Variants in L3MBTL3 observed in about 807,000 individuals in gnomAD.
L3MBTL3 encodes the protein L3MBTL histone methyl-lysine binding protein 3.
L3MBTL3 carries 27 observed loss-of-function variants against 102.3 expected under a neutral mutation model. That is an observed-to-expected ratio of 0.26 (90% CI 0.19 to 0.36). The LOEUF (loss-of-function observed/expected upper bound fraction) is 0.36, where lower values mean the gene tolerates loss of function less well. Ranked by LOEUF, L3MBTL3 falls within the 10% of genes least tolerant of loss-of-function variation. L3MBTL3 has a pLI of 1.00. For synonymous variants in L3MBTL3, 340 were observed against 320.9 expected, an observed-to-expected ratio of 1.06 and a Z score of -0.64; for missense variants, 798 against 955.3, an observed-to-expected ratio of 0.84 and a Z score of 2.17.
intron 2 of L3MBTL3, among the ~76,000 whole-genome samples, chr6:130,026,082 C>T (rs1246278664): frequency 1.3e-5 from 2 of 151,778 alleles, no homozygotes; most frequent in Admixed American, 6.6e-5. Context: ...TGATAGGACC[C>T]GGCAGATGGG....
intron 8 of L3MBTL3, 110 bp downstream of exon 8, chr6:130,055,365 T>A: frequency 1.3e-6 from 1 of 748,312 alleles, no homozygotes; most frequent in Non-Finnish European, 2.2e-6. Context: ...GGATTTTCTT[T>A]GATTCAGTTT....
chr6:130,092,229 G>A (rs1377063456), intron 16 of L3MBTL3, among the ~76,000 whole-genome samples: 2 of 152,078 alleles, frequency 1.3e-5, no homozygotes, highest in Non-Finnish European at 2.9e-5. Flanking sequence ...ACTGGGTGGA[G>A]GGATATTTCG....
intron 18 of L3MBTL3, among the ~76,000 whole-genome samples, chr6:130,094,969 G>T (rs573967739): frequency 6.6e-6 from 1 of 152,162 alleles, no homozygotes; most frequent in Non-Finnish European, 1.5e-5. Flanking sequence ...CTACTTGGGA[G>T]GCTAAGGTGG....
intron 18 of L3MBTL3, among the ~76,000 whole-genome samples, chr6:130,099,783 A>T (rs1197069611): frequency 6.6e-6 from 1 of 152,224 alleles, no homozygotes; most frequent in East Asian, 1.9e-4. Flanking sequence ...GCCAATACTT[A>T]ACTTCTTTGT....
Position 130,139,900 on chromosome 6 carries a change from A to G in L3MBTL3, c.*147A>G. On this transcript the variant is annotated 3_prime_UTR_variant, in exon 23 of 23. Coordinates refer to ENST00000361794, the MANE Select transcript of L3MBTL3 (RefSeq NM_032438.4). ...GATTATTTATATTACTCAAGAGACA[A>G]TATATATGAATTCTTATGAAAGTGC... 1 of 696,258 alleles carries G rather than the reference A, an allele frequency of 1.4e-6. No homozygotes were observed. Among genetic ancestry groups the G allele is most frequent in the Non-Finnish European group, 2.4e-6 (1 of 419,892 alleles). 43.1% of individuals were successfully genotyped at this position (696,258 alleles called of 1,614,324 possible). A position where few individuals can be genotyped will look rare whatever the true frequency, so the allele number is the denominator to read the frequency against.
chr6:130,042,151 A>T (rs1188652938), intron 2 of L3MBTL3, among the ~76,000 whole-genome samples: 3 of 152,170 alleles, frequency 2.0e-5, no homozygotes, highest in Non-Finnish European at 4.4e-5. Context: ...TTGTTTTCCA[A>T]TTTTTTTAAA....
At chr6:130,090,988 T>C (rs1267234058) in intron 16 of L3MBTL3, among the ~76,000 whole-genome samples, 1 of 152,146 alleles carries the variant, frequency 6.6e-6, no homozygotes, top group Non-Finnish European at 1.5e-5. Flanking sequence ...GGGTTTCATC[T>C]TTTTGTGCTG....
intron 20 of L3MBTL3, among the ~76,000 whole-genome samples, chr6:130,128,465 G>A (rs899584209): frequency 6.6e-6 from 1 of 152,078 alleles, no homozygotes; most frequent in Non-Finnish European, 1.5e-5. Context: ...ACATATTGGG[G>A]GAGTGGTGGT....
rs374985069 is a variant in L3MBTL3, at chr6:130,057,456, G to A, written c.718G>A (p.Glu240Lys). ...KAWCWASYLE[E>K]EKAVAVPAKL... ...GTGGTGCTGGGCATCCTACCTGGAA[G>A]AGGAGAAAGCGGTGGCAGTGCCGGC... The change falls in exon 9 of 23, where the codon GAG (glutamate) becomes AAG (lysine). Residue 240 changes from glutamate to lysine, a missense_variant. Transcript: ENST00000361794. 1.2e-6 allele frequency: 2 copies of A among 1,611,280 alleles called. No homozygotes were observed. The highest frequency in any genetic ancestry group is 1.7e-5 in the Admixed American group (1 of 59,744).
intron 19 of L3MBTL3, among the ~76,000 whole-genome samples, chr6:130,112,230 C>T (rs1452688638): frequency 6.6e-6 from 1 of 152,178 alleles, no homozygotes; most frequent in African/African-American, 2.4e-5. Context: ...TCCATAAAGG[C>T]AGGGGCCATG....
At chr6:130,072,225 A>G (rs1050389814) in intron 13 of L3MBTL3, among the ~76,000 whole-genome samples, 3 of 152,144 alleles carry the variant, frequency 2.0e-5, no homozygotes, top group Non-Finnish European at 4.4e-5. Flanking sequence ...AACTACGTAA[A>G]TAATTGTATA....
chr6:130,127,880 T>C (rs1786720790), intron 20 of L3MBTL3, among the ~76,000 whole-genome samples: 1 of 152,222 alleles, frequency 6.6e-6, no homozygotes, highest in Non-Finnish European at 1.5e-5. Flanking sequence ...ATAATACGTT[T>C]ATTATAGAAC....
chr6:130,087,703 T>A (rs1402908254), intron 16 of L3MBTL3, among the ~76,000 whole-genome samples: 3 of 152,120 alleles, frequency 2.0e-5, no homozygotes, highest in African/African-American at 7.2e-5. Context: ...GTACTTAACA[T>A]TGGAAGCAAC....
At chr6:130,139,544 T>G in intron 22 of L3MBTL3, 66 bp from the exon 23 acceptor site, 1 of 1,463,932 alleles carries the variant, frequency 6.8e-7, no homozygotes, top group Non-Finnish European at 9.5e-7. Context: ...TAATTTAACC[T>G]TGAATATTTT....
intron 18 of L3MBTL3, among the ~76,000 whole-genome samples, chr6:130,096,690 T>A (rs1213457052): frequency 1.3e-5 from 2 of 152,186 alleles, no homozygotes; most frequent in African/African-American, 2.4e-5. Context: ...CTCCGAGGGT[T>A]CCTCAGCTGG....
chr6:130,103,467 TA>T (rs1784817283), intron 18 of L3MBTL3, among the ~76,000 whole-genome samples: 1 of 152,150 alleles, frequency 6.6e-6, no homozygotes, highest in Non-Finnish European at 1.5e-5. Flanking sequence ...AGACACTGTT[TA>T]AAAATTTTCC....
intron 19 of L3MBTL3, 32 bp from the exon 20 acceptor site, chr6:130,120,847 T>A (rs764276801): frequency 1.3e-6 from 2 of 1,537,832 alleles, no homozygotes; most frequent in African/African-American, 2.7e-5. Context: ...AATGTTTCTC[T>A]TATAAAATAT....
intron 8 of L3MBTL3, 120 bp from the exon 9 acceptor site, chr6:130,057,286 A>G (rs1173819958): frequency 2.6e-6 from 2 of 755,264 alleles, no homozygotes; most frequent in Non-Finnish European, 2.3e-6. Context: ...CAGAGATACC[A>G]GTCCTGGAAG....
At chr6:130,102,302 T>C (rs1262690387) in intron 18 of L3MBTL3, among the ~76,000 whole-genome samples, 3 of 152,194 alleles carry the variant, frequency 2.0e-5, no homozygotes, top group Admixed American at 2.0e-4. Context: ...ACCTTTACTC[T>C]TGAACAACTT....
Sources: allele counts gnomAD v4.1 joint callset (sites outside exome capture counted in the v4.1 genomes callset), GRCh38; gene constraint gnomAD v4.1.1; transcripts MANE v1.5; gene names NCBI Gene and HGNC (gene_info 2026-07-23, HGNC 2026-07-21).